SLC12A3: variants seen among roughly 807,000 people sequenced by gnomAD.
SLC12A3 encodes the protein solute carrier family 12 member 3.
A neutral mutation model predicts 121.0 loss-of-function variants in SLC12A3; 104 were observed. That is an observed-to-expected ratio of 0.86 (90% CI 0.73 to 1.01). The LOEUF is 1.01. Ranked by LOEUF, SLC12A3 falls within the 50% of genes least tolerant of loss-of-function variation. SLC12A3 has a pLI of 0.00. For synonymous variants in SLC12A3, 536 were observed against 533.4 expected, an observed-to-expected ratio of 1.00 and a Z score of -0.07; for missense variants, 1,328 against 1,356.3, an observed-to-expected ratio of 0.98 and a Z score of 0.33.
chr16:56,900,931 G>T (rs560792919), intron 23 of SLC12A3, among the ~76,000 whole-genome samples: 1 of 152,216 alleles, frequency 6.6e-6, no homozygotes, highest in Non-Finnish European at 1.5e-5. Flanking sequence ...CAAGATGTTT[G>T]CACTCTTTGT....
At chr16:56,872,552 G>A in intron 7 of SLC12A3, 90 bp downstream of exon 7, 5 of 1,595,886 alleles carry the variant, frequency 3.1e-6, no homozygotes, top group South Asian at 1.1e-5. Flanking sequence ...CTGGGAGGAT[G>A]GGATTACCCA....
intron 24 of SLC12A3, among the ~76,000 whole-genome samples, chr16:56,903,184 C>T (rs371391800): frequency 4.0e-5 from 6 of 151,860 alleles, no homozygotes; most frequent in African/African-American, 9.7e-5. Context: ...TGGGCCAACA[C>T]GGCTGCCTGA....
chr16:56,906,662 A>T, intron 25 of SLC12A3: 1 of 423,668 alleles, frequency 2.4e-6, no homozygotes, highest in Non-Finnish European at 4.3e-6. Flanking sequence ...TTCAGGACCA[A>T]CTAGCCAAAA....
rs1567425687 is a variant in SLC12A3, at chr16:56,868,202, A to G, written c.430-95A>G. 3 of 1,155,668 alleles carry G rather than the reference A, an allele frequency of 2.6e-6. No individual in the cohort carries two copies. In the East Asian group the frequency reaches 7.5e-5, roughly 29 times the overall value. The allele number at this position is 1,155,668 out of a possible 1,614,324, so 71.6% of individuals were successfully genotyped here. On this transcript the variant is annotated intron_variant, in intron 2 of 25. Coordinates refer to ENST00000563236, the MANE Select transcript of SLC12A3 (RefSeq NM_001126108.2). ...AGGGACCCAGGTGTCCCTAGGGCCT[A>G]GGTGCTCGATACCCTGCCATAGCAA...
rs765609579 is a variant in SLC12A3, at chr16:56,904,440, C to T, written c.2902C>T (p.Arg968Ter). 15 of 1,613,762 alleles carry T rather than the reference C, an allele frequency of 9.3e-6. No homozygotes were observed. Among genetic ancestry groups the T allele is most frequent in the Non-Finnish European group, 1.1e-5 (13 of 1,179,808 alleles). Residue 968 changes from arginine to a stop codon, truncating the protein, a stop_gained, in exon 25 of 26, where the codon CGA (arginine) becomes TGA (stop). Coordinates refer to ENST00000563236, the MANE Select transcript of SLC12A3 (RefSeq NM_001126108.2). LOFTEE classifies it high-confidence loss of function. ...RLNEIVLDYS[R>*]DAALIVITLP... The stretch of plus-strand genomic sequence containing the variant: ...GAATGAGATTGTGCTGGATTACTCC[C>T]GAGACGCTGCTCTCATCGTCATGTA...
At position 56,882,493 on chromosome 16, in the gene SLC12A3, G is replaced by A. The variant is rs750420029; in HGVS notation, c.1665G>A (p.Ser555=). 22 of 1,612,412 alleles carry A rather than the reference G, an allele frequency of 1.4e-5. No individual in the cohort carries two copies. The highest frequency in any genetic ancestry group is 3.3e-4 in the Middle Eastern group (2 of 6,082). ...FSCFHASITN[S]PGWRPSFQYY... is the part of the protein sequence containing the mutation. ...GCTTCCACGCCTCCATCACCAACTCGCCTGGTAAGCAAACCCTTCACCCAC... is the reference window on the plus strand; with the variant it reads ...GCTTCCACGCCTCCATCACCAACTCACCTGGTAAGCAAACCCTTCACCCAC... Residue 555 remains serine (S), a synonymous_variant, in exon 13 of 26, where the codon TCG becomes TCA. Coordinates refer to ENST00000563236, the MANE Select transcript of SLC12A3 (RefSeq NM_001126108.2).
At chr16:56,870,034 C>T (rs2055070412) in intron 4 of SLC12A3, 62 bp from the exon 5 acceptor site, 2 of 1,600,328 alleles carry the variant, frequency 1.2e-6, no homozygotes, top group South Asian at 1.1e-5. Flanking sequence ...CTCTGCCTGC[C>T]CTGAGTCCAC....
intron 19 of SLC12A3, among the ~76,000 whole-genome samples, chr16:56,891,112 T>C (rs955468964): frequency 2.7e-4 from 40 of 149,100 alleles, no homozygotes; most frequent in Non-Finnish European, 5.7e-4. Flanking sequence ...GGTGGCTCGT[T>C]TCTGTAATCC....
chr16:56,913,057 G>A (rs2055707184), intron 25 of SLC12A3, among the ~76,000 whole-genome samples: 1 of 152,170 alleles, frequency 6.6e-6, no homozygotes, highest in Non-Finnish European at 1.5e-5. Context: ...GGGCTTGTGG[G>A]CCATGGCTTT....
chr16:56,889,131 C>T (rs539007224), intron 18 of SLC12A3, among the ~76,000 whole-genome samples: 93 of 152,204 alleles, frequency 6.1e-4, no homozygotes, highest in Admixed American at 1.6e-3. Context: ...TGAGGTATCA[C>T]TGAACAACAT....
intron 22 of SLC12A3, among the ~76,000 whole-genome samples, chr16:56,895,358 G>GT (rs1246719599): frequency 1.3e-5 from 2 of 150,474 alleles, no homozygotes; most frequent in African/African-American, 2.4e-5. Flanking sequence ...TGCCCAGATA[G>GT]TTTTTTTGTA....
At chr16:56,874,885 A>G (rs1456114960) in intron 8 of SLC12A3, among the ~76,000 whole-genome samples, 1 of 152,154 alleles carries the variant, frequency 6.6e-6, no homozygotes, top group Admixed American at 6.5e-5. Context: ...GCTATGCACC[A>G]GGTGGTGTTG....
intron 23 of SLC12A3, among the ~76,000 whole-genome samples, chr16:56,900,746 GT>G (rs1170810470): frequency 6.6e-6 from 1 of 152,028 alleles, no homozygotes; most frequent in Admixed American, 6.6e-5. Flanking sequence ...GGCCAGGCTG[GT>G]CTCAAACTCC....
chr16:56,901,628 C>T (rs1441885586), intron 23 of SLC12A3, among the ~76,000 whole-genome samples: 1 of 152,242 alleles, frequency 6.6e-6, no homozygotes, highest in Non-Finnish European at 1.5e-5. Flanking sequence ...GCGTGAGCCA[C>T]TGTGCCCGGC....
intron 9 of SLC12A3, 29 bp from the exon 10 acceptor site, chr16:56,879,044 C>G (rs766476001): frequency 6.3e-7 from 1 of 1,589,312 alleles, no homozygotes; most frequent in Non-Finnish European, 8.6e-7. Flanking sequence ...GGAAGGCAGA[C>G]CTCCCCATGC....
intron 21 of SLC12A3, among the ~76,000 whole-genome samples, chr16:56,893,801 G>A (rs973342251): frequency 6.6e-6 from 1 of 151,998 alleles, no homozygotes; most frequent in South Asian, 2.1e-4. Flanking sequence ...TTTTTGAGAC[G>A]GAGTCTTACT....
intron 25 of SLC12A3, among the ~76,000 whole-genome samples, chr16:56,909,535 C>T (rs1427259885): frequency 6.6e-6 from 1 of 152,018 alleles, no homozygotes; most frequent in African/African-American, 2.4e-5. Flanking sequence ...AAGACCCCTG[C>T]CCAGGGCGTC....
chr16:56,881,920 A>G (rs1388050525), intron 12 of SLC12A3, among the ~76,000 whole-genome samples: 3 of 151,848 alleles, frequency 2.0e-5, no homozygotes, highest in African/African-American at 7.3e-5. Flanking sequence ...GTGGTGGTGC[A>G]TGCCTGTAAT....
intron 25 of SLC12A3, among the ~76,000 whole-genome samples, chr16:56,905,680 CTAT>C (rs1330802848): frequency 1.3e-5 from 2 of 152,180 alleles, no homozygotes; most frequent in African/African-American, 2.4e-5. Context: ...TGCTCAGAAA[CTAT>C]TAAGAAGGTC....
Sources: allele counts gnomAD v4.1 joint callset (sites outside exome capture counted in the v4.1 genomes callset), GRCh38; gene constraint gnomAD v4.1.1; transcripts MANE v1.5; gene names NCBI Gene and HGNC (gene_info 2026-07-23, HGNC 2026-07-21).